Variants in CCSER1 observed in about 807,000 individuals in gnomAD.
CCSER1 encodes serine-rich coiled-coil domain-containing protein 1.
In CCSER1, 41 loss-of-function variants were observed where a neutral mutation model predicts 82.0. The observed-to-expected ratio is 0.50, with a 90% CI of 0.39 to 0.65. The LOEUF is 0.65. Ranked by LOEUF, CCSER1 falls within the 30% of genes least tolerant of loss-of-function variation. The probability of loss-of-function intolerance (pLI) is 0.00; values close to 1 mark genes in which losing one functional copy is unlikely to be tolerated. For missense variants in CCSER1, 1,119 were observed against 1,064.2 expected (o/e 1.05, Z -0.72); for synonymous variants, 414 against 383.9 (o/e 1.08, Z -0.92).
At chr4:91,352,097 A>C (rs1218842609) in intron 10 of CCSER1, among the ~76,000 whole-genome samples, 1 of 152,204 alleles carries the variant, frequency 6.6e-6, no homozygotes, top group Non-Finnish European at 1.5e-5. Context: ...TAGAAAACTA[A>C]AAATCAACCA....
At chr4:90,694,606 T>C (rs922538273) in intron 6 of CCSER1, among the ~76,000 whole-genome samples, 5 of 149,562 alleles carry the variant, frequency 3.3e-5, no homozygotes, top group African/African-American at 1.0e-4. Context: ...TTTGGGAGCA[T>C]GGAAAATGTT....
intron 4 of CCSER1, among the ~76,000 whole-genome samples, chr4:90,417,796 T>C (rs1756040732): frequency 6.6e-6 from 1 of 152,162 alleles, no homozygotes; most frequent in Admixed American, 6.5e-5. Flanking sequence ...TAATTTTTAA[T>C]GAATAATAGT....
At chr4:90,197,620 C>A (rs1190846191) in intron 1 of CCSER1, among the ~76,000 whole-genome samples, 1 of 152,098 alleles carries the variant, frequency 6.6e-6, no homozygotes, top group Non-Finnish European at 1.5e-5. Flanking sequence ...GAGATCCTGT[C>A]ATTTGCAACA....
intron 5 of CCSER1, among the ~76,000 whole-genome samples, chr4:90,510,871 C>T (rs1344518493): frequency 1.3e-5 from 2 of 152,152 alleles, no homozygotes; most frequent in African/African-American, 4.8e-5. Context: ...GTAGCAGGGT[C>T]CTGGCCCAGA....
At chr4:90,674,488 G>A (rs183814427) in intron 6 of CCSER1, among the ~76,000 whole-genome samples, 564 of 151,976 alleles carry the variant, frequency 3.7e-3, no homozygotes, top group Non-Finnish European at 6.4e-3. Flanking sequence ...AGAGAGAGTA[G>A]GATGAAATGG....
chr4:91,457,658 A>G (rs537863040), intron 10 of CCSER1, among the ~76,000 whole-genome samples: 1 of 152,222 alleles, frequency 6.6e-6, no homozygotes, highest in Non-Finnish European at 1.5e-5. Flanking sequence ...CAACAGAGTG[A>G]GATCCTATTG....
intron 7 of CCSER1, among the ~76,000 whole-genome samples, chr4:90,742,852 A>G (rs532601759): frequency 1.9e-4 from 29 of 152,202 alleles, no homozygotes; most frequent in Non-Finnish European, 3.8e-4. Context: ...TGTGTAATTC[A>G]ACTACTGTTT....
chr4:91,190,516 T>C (rs1364631176), intron 10 of CCSER1, among the ~76,000 whole-genome samples: 1 of 152,212 alleles, frequency 6.6e-6, no homozygotes, highest in Admixed American at 6.5e-5. Flanking sequence ...GGAAATTTTT[T>C]GAACTTAAGA....
At chr4:90,129,767 A>T (rs1722495013) in intron 1 of CCSER1, among the ~76,000 whole-genome samples, 1 of 152,176 alleles carries the variant, frequency 6.6e-6, no homozygotes, top group Non-Finnish European at 1.5e-5. Context: ...TAAGGATTTG[A>T]TATTTTGATT....
chr4:91,167,577 C>A (rs17018144), intron 10 of CCSER1, among the ~76,000 whole-genome samples: 110,461 of 152,122 alleles, frequency 0.73, 40,407 homozygotes, highest in Non-Finnish European at 0.78. Flanking sequence ...TTATGTAAAT[C>A]CGTAAATTGA....
intron 8 of CCSER1, among the ~76,000 whole-genome samples, chr4:90,857,132 T>C (rs1254700245): frequency 6.6e-6 from 1 of 152,042 alleles, no homozygotes; most frequent in Non-Finnish European, 1.5e-5. Context: ...ATTACAAAAT[T>C]TATTATCTCC....
At chr4:91,167,331 G>A (rs986935454) in intron 10 of CCSER1, among the ~76,000 whole-genome samples, 1 of 151,642 alleles carries the variant, frequency 6.6e-6, no homozygotes. Flanking sequence ...GATTACAAGT[G>A]CCTGCCACCA....
chr4:90,511,640 A>G (rs1046247005), intron 5 of CCSER1, among the ~76,000 whole-genome samples: 1 of 152,358 alleles, frequency 6.6e-6, no homozygotes, highest in East Asian at 1.9e-4. Flanking sequence ...GATAGGTGAT[A>G]TAGAGCTCCT....
At chr4:90,446,204 C>T (rs1170950618) in intron 4 of CCSER1, among the ~76,000 whole-genome samples, 1 of 152,124 alleles carries the variant, frequency 6.6e-6, no homozygotes, top group African/African-American at 2.4e-5. Context: ...TTCAATCACC[C>T]ATTAAAACTG....
chr4:90,359,768 T>G (rs985209858), intron 3 of CCSER1, among the ~76,000 whole-genome samples: 11 of 151,320 alleles, frequency 7.3e-5, no homozygotes, highest in African/African-American at 2.7e-4. Flanking sequence ...AATAAATAAA[T>G]CAGTCTTATC....
At chr4:91,407,477 T>C (rs928571592) in intron 10 of CCSER1, among the ~76,000 whole-genome samples, 10 of 152,056 alleles carry the variant, frequency 6.6e-5, no homozygotes, top group Non-Finnish European at 1.2e-4. Flanking sequence ...ATTAGAGAGG[T>C]AGACAAGAAG....
intron 10 of CCSER1, among the ~76,000 whole-genome samples, chr4:91,201,149 A>G (rs1735875123): frequency 6.6e-6 from 1 of 152,020 alleles, no homozygotes; most frequent in Admixed American, 6.6e-5. Context: ...TGCTCCCTAC[A>G]TAACTATTTC....
intron 10 of CCSER1, among the ~76,000 whole-genome samples, chr4:91,250,055 A>G (rs1581842685): frequency 1.3e-5 from 2 of 151,786 alleles, no homozygotes; most frequent in South Asian, 4.2e-4. Context: ...TTTCTTTAGG[A>G]CTATGATTTC....
intron 9 of CCSER1, among the ~76,000 whole-genome samples, chr4:90,972,430 A>G (rs186703858): frequency 2.0e-5 from 3 of 151,926 alleles, no homozygotes; most frequent in Admixed American, 2.0e-4. Context: ...TTAAAATATC[A>G]TAAGAAATAA....
Sources: allele counts gnomAD v4.1 joint callset (sites outside exome capture counted in the v4.1 genomes callset), GRCh38; gene constraint gnomAD v4.1.1; transcripts MANE v1.5; gene names NCBI Gene and HGNC (gene_info 2026-07-23, HGNC 2026-07-21).